PLEKHA5: variants seen among roughly 807,000 people sequenced by gnomAD.
PLEKHA5 encodes pleckstrin homology domain containing A5, also known as pleckstrin homology domain-containing family A member 5.
PLEKHA5 carries 55 observed loss-of-function variants against 181.9 expected under a neutral mutation model. The ratio of observed to expected loss-of-function variants is 0.30; its 90% CI spans 0.24 to 0.38. PLEKHA5 has a LOEUF of 0.38. Ranked by LOEUF, PLEKHA5 falls within the 10% of genes least tolerant of loss-of-function variation. PLEKHA5 has a pLI of 1.00. For synonymous variants in PLEKHA5, 535 were observed against 529.4 expected, an observed-to-expected ratio of 1.01 and a Z score of -0.15; for missense variants, 1,432 against 1,549.5, an observed-to-expected ratio of 0.92 and a Z score of 1.27.
At chr12:19,368,762 G>A (rs1192010856) in intron 30 of PLEKHA5, among the ~76,000 whole-genome samples, 1 of 152,170 alleles carries the variant, frequency 6.6e-6, no homozygotes, top group Non-Finnish European at 1.5e-5. Context: ...CTGCACTCCA[G>A]CCTGGGCAAC....
chr12:19,318,374 A>G (rs1033570920), intron 16 of PLEKHA5, among the ~76,000 whole-genome samples: 2 of 152,118 alleles, frequency 1.3e-5, no homozygotes, highest in Admixed American at 6.5e-5. Flanking sequence ...TACAGTAGAC[A>G]TTTTTCTCTA....
intron 20 of PLEKHA5, among the ~76,000 whole-genome samples, chr12:19,325,302 G>C (rs376259762): frequency 3.6e-4 from 55 of 152,154 alleles, no homozygotes; most frequent in African/African-American, 1.3e-3. Flanking sequence ...GAGGTGGGAG[G>C]ATCTCTTGAG....
chr12:19,213,622 AAGG>A (rs2057389000), intron 3 of PLEKHA5, among the ~76,000 whole-genome samples: 1 of 152,296 alleles, frequency 6.6e-6, no homozygotes, highest in Admixed American at 6.5e-5. Flanking sequence ...GGACAAATTG[AAGG>A]AGGAGGAGAT....
chr12:19,149,517 AAAAAAAGAAAAG>A (rs2039845263), intron 3 of PLEKHA5: 1 of 151,534 alleles, frequency 6.6e-6, no homozygotes, highest in Non-Finnish European at 1.4e-5. Flanking sequence ...AAAAAAAAAA[AAAAAAAGAAAAG>A]AAAAAAAAAC....
chr12:19,296,686 G>T (rs1015536821), intron 15 of PLEKHA5, among the ~76,000 whole-genome samples: 4 of 152,124 alleles, frequency 2.6e-5, no homozygotes, highest in African/African-American at 7.2e-5. Context: ...CTAGTTTCTA[G>T]TTCTTGGCTC....
At chr12:19,152,511 A>G (rs1448082473) in intron 3 of PLEKHA5, 3 of 152,208 alleles carry the variant, frequency 2.0e-5, no homozygotes, top group Admixed American at 2.0e-4. Context: ...AATAATCTGT[A>G]TAATATAAAT....
chr12:19,226,480 A>G (rs906568846), intron 3 of PLEKHA5, among the ~76,000 whole-genome samples: 3 of 152,160 alleles, frequency 2.0e-5, no homozygotes, highest in Non-Finnish European at 4.4e-5. Context: ...GCTAGGTCAT[A>G]TGGCAATTTT....
intron 12 of PLEKHA5, among the ~76,000 whole-genome samples, chr12:19,284,794 A>T (rs1038099949): frequency 6.6e-6 from 1 of 152,118 alleles, no homozygotes; most frequent in African/African-American, 2.4e-5. Flanking sequence ...TTGACCGGAC[A>T]TAGTGGCTCA....
At chr12:19,337,257 A>T (rs1456454947) in intron 21 of PLEKHA5, among the ~76,000 whole-genome samples, 2 of 152,090 alleles carry the variant, frequency 1.3e-5, no homozygotes, top group African/African-American at 4.8e-5. Flanking sequence ...TATAAAATAG[A>T]AATAATAATA....
intron 15 of PLEKHA5, among the ~76,000 whole-genome samples, chr12:19,296,159 G>A (rs1298633217): frequency 1.3e-5 from 2 of 151,818 alleles, no homozygotes; most frequent in South Asian, 2.1e-4. Context: ...ACTTGAATCC[G>A]GGAGGTGGAG....
At chr12:19,340,459 C>G (rs2153161889) in intron 21 of PLEKHA5, among the ~76,000 whole-genome samples, 1 of 136,276 alleles carries the variant, frequency 7.3e-6, no homozygotes, top group Non-Finnish European at 1.7e-5. Context: ...GTGTACTCAA[C>G]AGCTCATTGA....
chr12:19,149,503 CA>C (rs1187986216), intron 3 of PLEKHA5: 2,444 of 45,604 alleles, frequency 0.054, 34 homozygotes, highest in African/African-American at 0.18. Flanking sequence ...GACTCCATCT[CA>C]AAAAAAAAAA....
intron 3 of PLEKHA5, among the ~76,000 whole-genome samples, chr12:19,181,710 A>G (rs1291170736): frequency 6.6e-6 from 1 of 152,162 alleles, no homozygotes; most frequent in East Asian, 1.9e-4. Flanking sequence ...TGGGAGGCAG[A>G]GGTTACAGTG....
At chr12:19,176,835 A>G (rs1023424408) in intron 3 of PLEKHA5, among the ~76,000 whole-genome samples, 1 of 152,070 alleles carries the variant, frequency 6.6e-6, no homozygotes, top group Non-Finnish European at 1.5e-5. Flanking sequence ...GGCCAGATCA[A>G]TCTCATTAGC....
intron 11 of PLEKHA5, among the ~76,000 whole-genome samples, chr12:19,276,704 T>A (rs143805541): frequency 1.2e-4 from 19 of 152,282 alleles, no homozygotes; most frequent in African/African-American, 4.3e-4. Context: ...ACACCCTGCC[T>A]TTTAGGCCTG....
At chr12:19,366,297 T>C (rs1425576106) in intron 30 of PLEKHA5, among the ~76,000 whole-genome samples, 188 bp downstream of exon 30, 1 of 152,140 alleles carries the variant, frequency 6.6e-6, no homozygotes, top group Admixed American at 6.6e-5. Context: ...GGCAGAGGGA[T>C]CAACACATTG....
intron 26 of PLEKHA5, among the ~76,000 whole-genome samples, chr12:19,357,032 T>C (rs960339278): frequency 7.6e-5 from 1 of 13,202 alleles, no homozygotes; most frequent in Admixed American, 9.0e-4. Context: ...AGAAAGAAAA[T>C]AGAGGTGTTT....
At chr12:19,252,553 TATC>T in intron 3 of PLEKHA5, among the ~76,000 whole-genome samples, 1 of 152,278 alleles carries the variant, frequency 6.6e-6, no homozygotes, top group East Asian at 1.9e-4. Context: ...GACCTAATCT[TATC>T]ATTCAACCTA....
chr12:19,363,909 A>C (rs1307995887), intron 29 of PLEKHA5, among the ~76,000 whole-genome samples: 1 of 152,228 alleles, frequency 6.6e-6, no homozygotes, highest in African/African-American at 2.4e-5. Flanking sequence ...TCTTAAATGA[A>C]TAGCAAGATT....
Sources: gnomAD v4.1 joint callset for allele counts (sites outside exome capture counted in the v4.1 genomes callset) on GRCh38, gnomAD v4.1.1 for gene constraint, MANE v1.5 for transcripts, NCBI Gene and HGNC (gene_info 2026-07-23, HGNC 2026-07-21) for gene names.